Variants in TCOF1 observed in about 807,000 individuals in gnomAD.
TCOF1 encodes the protein treacle protein.
A neutral mutation model predicts 149.0 loss-of-function variants in TCOF1; 33 were observed. That is an observed-to-expected ratio of 0.22 (90% CI 0.17 to 0.30). The LOEUF (loss-of-function observed/expected upper bound fraction) is 0.30. Ranked by LOEUF, TCOF1 falls within the 10% of genes least tolerant of loss-of-function variation. The pLI is 1.00. For missense variants in TCOF1, 1,728 were observed against 1,840.7 expected, an observed-to-expected ratio of 0.94 and a Z score of 1.12; for synonymous variants, 789 against 738.8, an observed-to-expected ratio of 1.07 and a Z score of -1.10.
Position 150,367,350 on chromosome 5 carries a change from G to A in TCOF1, c.305-494G>A, listed in dbSNP as rs189102613. On this transcript the variant is annotated intron_variant, in intron 3 of 26. Transcript: ENST00000643257. ...GAATCAGTGAATATCGATATCTAAC[G>A]GGGCCCAGGTGGCATGGTTCAGCCA... Among the ~76,000 whole-genome samples the A allele has an allele frequency of 9.3e-4, 142 of 152,240 alleles. 1 individual carries two copies. The highest frequency in any genetic ancestry group is 1.7e-3 in the Non-Finnish European group (119 of 68,018).
chr5:150,398,738 G>A (rs537813848), intron 25 of TCOF1, among the ~76,000 whole-genome samples: 9 of 152,366 alleles, frequency 5.9e-5, no homozygotes, highest in African/African-American at 2.2e-4. Flanking sequence ...GAAAGGAAAC[G>A]TTGCCTGGGC....
chr5:150,382,872 G>A (rs564166118), intron 17 of TCOF1, among the ~76,000 whole-genome samples: 1 of 152,354 alleles, frequency 6.6e-6, no homozygotes, highest in Non-Finnish European at 1.5e-5. Flanking sequence ...GGAGCTAGCA[G>A]GGTGGAAGCA....
intron 2 of TCOF1, among the ~76,000 whole-genome samples, chr5:150,362,032 T>A (rs1416062394): frequency 6.6e-6 from 1 of 152,140 alleles, no homozygotes; most frequent in Non-Finnish European, 1.5e-5. Flanking sequence ...CTGATGGGGC[T>A]TGACACAGGG....
rs1581064385 is a variant in TCOF1 at position 150,367,918 on chromosome 5, G to A, written c.378+1G>A. 1 of 1,614,146 alleles carries A rather than the reference G, an allele frequency of 6.2e-7. No homozygotes were observed. The highest frequency in any genetic ancestry group is 8.5e-7 in the Non-Finnish European group (1 of 1,180,002). On this transcript the variant is annotated splice_donor_variant, in intron 4 of 26. Coordinates refer to ENST00000643257, the MANE Select transcript of TCOF1 (RefSeq NM_001371623.1). LOFTEE classifies it high-confidence loss of function. Reference sequence around the variant, plus strand: ...ATCAAGCATGAAAGAAAAAGCCAAGGTGAGTGGGACTGCCTTCCAAGCTAT... The same window carrying A: ...ATCAAGCATGAAAGAAAAAGCCAAGATGAGTGGGACTGCCTTCCAAGCTAT...
Position 150,372,061 on chromosome 5 carries a change from A to T in TCOF1, c.695A>T (p.Glu232Val). 20 of 1,614,228 alleles carry T rather than the reference A, an allele frequency of 1.2e-5. No individual in the cohort carries two copies. Among genetic ancestry groups the T allele is most frequent in the Non-Finnish European group, 1.7e-5 (20 of 1,180,042 alleles). The change falls in exon 7 of 27, where the codon GAG becomes GTG. Residue 232 changes from glutamate to valine, a missense_variant. Glu to Val is a moderately radical substitution (Grantham distance 121). Around this residue, in one of 2 missense-constraint regions of TCOF1, gnomAD observed 1,696 missense variants for 1,765.4 expected, o/e 0.96. Coordinates refer to ENST00000643257, the MANE Select transcript of TCOF1 (RefSeq NM_001371623.1). ...QVKASSVSTK[E>V]SPARKAAPAP... ...AAAGCCTCATCAGTTTCTACTAAGG[A>T]GTCTCCAGCAAGAAAGGCGGCCCCA... is the stretch of plus-strand genomic sequence containing the variant.
intron 23 of TCOF1, 144 bp from the exon 24 acceptor site, chr5:150,396,138 G>C: frequency 1.1e-6 from 1 of 904,362 alleles, no homozygotes; most frequent in Non-Finnish European, 1.8e-6. Flanking sequence ...AGCTGGGGCA[G>C]AGTGACCGCC....
chr5:150,360,215 G>A (rs929314468), intron 1 of TCOF1, among the ~76,000 whole-genome samples: 6 of 152,224 alleles, frequency 3.9e-5, no homozygotes, highest in East Asian at 1.9e-4. Context: ...GTTCGAAGAC[G>A]TGACGAGATT....
At chr5:150,375,985 C>T in intron 12 of TCOF1, 76 bp downstream of exon 12, 2 of 1,613,850 alleles carry the variant, frequency 1.2e-6, no homozygotes, top group Non-Finnish European at 1.7e-6. Context: ...GAGCTGTGCT[C>T]CCTCAGGCAG....
At chr5:150,391,377 A>C (rs1052769539) in intron 19 of TCOF1, among the ~76,000 whole-genome samples, 167 bp from the exon 20 acceptor site, 43 of 152,150 alleles carry the variant, frequency 2.8e-4, no homozygotes, top group African/African-American at 1.0e-3. Context: ...CCTTGAGAAC[A>C]ATGTGATTCG....
At chr5:150,375,685 G>A (rs759849455) in intron 11 of TCOF1, 36 bp from the exon 12 acceptor site, 14 of 1,613,880 alleles carry the variant, frequency 8.7e-6, no homozygotes, top group Non-Finnish European at 1.2e-5. Context: ...CACCTACCCT[G>A]GGCTCCCTCT....
intron 17 of TCOF1, among the ~76,000 whole-genome samples, chr5:150,386,835 G>A (rs750076180): frequency 3.3e-5 from 5 of 152,246 alleles, no homozygotes; most frequent in Admixed American, 6.5e-5. Flanking sequence ...CCTCGTGTGC[G>A]GTGAACATGT....
rs1762669393 is a variant in TCOF1, at chr5:150,372,099, G to T, written c.733G>T (p.Val245Leu). The T allele has an allele frequency of 4.3e-6, 7 of 1,614,112 alleles. No homozygotes were observed. The highest frequency in any genetic ancestry group is 4.5e-5 in the East Asian group (2 of 44,894). ...ARKAAPAPGKVGDVTPQVKGG... is the reference protein window; with the variant it reads ...ARKAAPAPGKLGDVTPQVKGG... The stretch of plus-strand genomic sequence containing the variant: ...AAAGGCGGCCCCAGCCCCTGGGAAG[G>T]TGGGGGATGTGACACCCCAGGTCAA... Residue 245 changes from valine to leucine, a missense_variant, in exon 7 of 27, where the codon GTG becomes TTG. Val to Leu is a conservative substitution (Grantham distance 32). This residue lies in a region of TCOF1 where 1,696 missense variants were observed against 1,765.4 expected (regional missense o/e 0.96). Coordinates refer to ENST00000643257, the MANE Select transcript of TCOF1 (RefSeq NM_001371623.1).
intron 17 of TCOF1, chr5:150,384,974 A>AC (rs906185470): frequency 2.8e-5 from 28 of 985,210 alleles, no homozygotes; most frequent in Non-Finnish European, 3.3e-5. Flanking sequence ...CCATTCCTAG[A>AC]CCCCTCACTG....
At chr5:150,396,002 A>C (rs1768422366) in intron 23 of TCOF1, among the ~76,000 whole-genome samples, 5 of 152,114 alleles carry the variant, frequency 3.3e-5, no homozygotes, top group Admixed American at 3.3e-4. Flanking sequence ...TTTCATTAAC[A>C]TTCTGGAGTC....
chr5:150,367,675 C>A, intron 3 of TCOF1, 169 bp from the exon 4 acceptor site: 1 of 711,306 alleles, frequency 1.4e-6, no homozygotes, highest in Non-Finnish European at 2.5e-6. Context: ...GTGGACCTGG[C>A]TGATGCATCA....
In TCOF1 at chr5:150,399,086, A is replaced by G. The variant is rs1769227656; in HGVS notation, c.*22+16A>G. On this transcript the variant is annotated intron_variant, in intron 26 of 26. Coordinates refer to ENST00000643257, the MANE Select transcript of TCOF1 (RefSeq NM_001371623.1). ...CCAGGCACAGGTACGCTTCCCAATC[A>G]TTCCTGAGCATTCAGGGTGGGAGGA... is the stretch of plus-strand genomic sequence containing the variant. 6.2e-7 allele frequency: 1 copy of G among 1,614,192 alleles called. No homozygotes were observed.
At chr5:150,381,674 G>A (rs1476153163) in intron 17 of TCOF1, among the ~76,000 whole-genome samples, 1 of 152,192 alleles carries the variant, frequency 6.6e-6, no homozygotes, top group East Asian at 1.9e-4. Context: ...TAGTTTTTTT[G>A]TTTTTAAGTT....
chr5:150,376,458 A>G lies in TCOF1; in HGVS notation c.2178A>G (p.Ala726=), dbSNP rs2150740052. Residue 726 remains alanine (A), a synonymous_variant, in exon 14 of 27, where the codon GCA becomes GCG. Coordinates refer to ENST00000643257, the MANE Select transcript of TCOF1 (RefSeq NM_001371623.1). ...TGGGGAAAGGCCTCCAGGTGAAAGC[A>G]GCCTCAGTGCCTGTCAAGGGGTCCT... ...KSVGKGLQVK[A]ASVPVKGSLG... 1 of 1,614,200 alleles carries G rather than the reference A, an allele frequency of 6.2e-7. No individual in the cohort carries two copies. Among genetic ancestry groups the G allele is most frequent in the Non-Finnish European group, 8.5e-7 (1 of 1,180,032 alleles).
chr5:150,361,953 A>G (rs917775721), intron 2 of TCOF1, among the ~76,000 whole-genome samples: 1 of 152,070 alleles, frequency 6.6e-6, no homozygotes, highest in African/African-American at 2.4e-5. Flanking sequence ...GTAGGGTGAA[A>G]AAGTGAGGAG....
Sources: gnomAD v4.1 joint callset for allele counts (sites outside exome capture counted in the v4.1 genomes callset) on GRCh38, gnomAD v4.1.1 for gene constraint, gnomAD v4.1.1 regional missense constraint, MANE v1.5 for transcripts, NCBI Gene and HGNC (gene_info 2026-07-23, HGNC 2026-07-21) for gene names.